The following MDGA2 variants were observed in gnomAD, a reference collection of about 807,000 sequenced individuals.
MDGA2 encodes the protein MAM domain containing glycosylphosphatidylinositol anchor 2, also known as MAM domain-containing glycosylphosphatidylinositol anchor protein 2.
In MDGA2, 40 loss-of-function variants were observed where a neutral mutation model predicts 117.8. That is an observed-to-expected ratio of 0.34 (90% confidence interval 0.26 to 0.44). The LOEUF is 0.44. MDGA2 is among the 20% of genes least tolerant of loss of function. The pLI is 1.00. For synonymous variants in MDGA2, 452 were observed against 439.0 expected, an observed-to-expected ratio of 1.03 and a Z score of -0.37; for missense variants, 1,123 against 1,250.6, an observed-to-expected ratio of 0.90 and a Z score of 1.54.
intron 1 of MDGA2, chr14:47,342,986 T>G: frequency 9.9e-7 from 1 of 1,011,266 alleles, no homozygotes; most frequent in South Asian, 1.3e-5. Context: ...CAGCTTTGCC[T>G]GGCAGAATGC....
At position 47,035,468 on chromosome 14, in the gene MDGA2, A is replaced by G. The variant is rs190521342; in HGVS notation, c.1526-164T>C. 3.2e-3 allele frequency among the ~76,000 whole-genome samples: 492 copies of G among 152,360 alleles called. 6 individuals are homozygous for G. The highest frequency in any genetic ancestry group is 0.011 in the African/African-American group (464 of 41,586). On this transcript the variant is annotated intron_variant, in intron 7 of 16. Transcript: ENST00000399232. The stretch of plus-strand genomic sequence containing the variant: ...ATGGAATATACTCTCACTGAAAATC[A>G]TTCTTAATTGTTTTCACTGTATATT...
At chr14:47,573,800 C>A (rs544310545) in intron 1 of MDGA2, among the ~76,000 whole-genome samples, 32 of 152,108 alleles carry the variant, frequency 2.1e-4, no homozygotes, top group Non-Finnish European at 4.1e-4. Context: ...GAGTGTTTTA[C>A]AACTCATGCA....
At position 47,480,043 on chromosome 14, in the gene MDGA2, G is replaced by A. The variant is rs540612460; in HGVS notation, c.281-178493C>T. ...CTTTCAAATTTCATATGCTAAACTG[G>A]GCACAAATATCATAAATAATGTGGT... On this transcript the variant is annotated intron_variant, in intron 1 of 16. Coordinates refer to ENST00000399232, the MANE Select transcript of MDGA2 (RefSeq NM_001113498.3). 2.3e-4 allele frequency among the ~76,000 whole-genome samples: 34 copies of A among 150,564 alleles called. No homozygotes were observed. The South Asian group carries it at 6.5e-3, about 29-fold the overall frequency.
intron 8 of MDGA2, among the ~76,000 whole-genome samples, chr14:46,982,300 T>C (rs1279268885): frequency 6.6e-6 from 1 of 152,088 alleles, no homozygotes; most frequent in African/African-American, 2.4e-5. Flanking sequence ...TATACTATGA[T>C]TAAAATGGTG....
At chr14:47,187,922 TG>T (rs1321180594) in intron 3 of MDGA2, among the ~76,000 whole-genome samples, 2 of 151,874 alleles carry the variant, frequency 1.3e-5, no homozygotes, top group Admixed American at 1.3e-4. Flanking sequence ...GTAGGTTGTG[TG>T]TGTGTGTGTG....
intron 3 of MDGA2, among the ~76,000 whole-genome samples, chr14:47,187,366 A>T (rs1305526872): frequency 2.0e-5 from 3 of 152,054 alleles, no homozygotes; most frequent in Non-Finnish European, 4.4e-5. Flanking sequence ...CCATATAAAC[A>T]ATTGGCAAAC....
chr14:47,567,228 A>G (rs1895936912), intron 1 of MDGA2, among the ~76,000 whole-genome samples: 1 of 152,138 alleles, frequency 6.6e-6, no homozygotes, highest in Admixed American at 6.5e-5. Context: ...AAAATATTTT[A>G]GAAGATATCC....
intron 3 of MDGA2, among the ~76,000 whole-genome samples, chr14:47,160,495 G>A (rs1392877176): frequency 6.6e-6 from 1 of 152,050 alleles, no homozygotes; most frequent in African/African-American, 2.4e-5. Context: ...GCGAAACCCT[G>A]CCTCTACAAA....
chr14:47,267,148 A>T (rs1887992577), intron 2 of MDGA2, among the ~76,000 whole-genome samples: 1 of 152,132 alleles, frequency 6.6e-6, no homozygotes, highest in Non-Finnish European at 1.5e-5. Flanking sequence ...CTATAGATAC[A>T]AAGGTGGAAA....
intron 1 of MDGA2, among the ~76,000 whole-genome samples, chr14:47,444,758 G>A (rs1055857715): frequency 2.6e-5 from 4 of 152,076 alleles, no homozygotes; most frequent in African/African-American, 9.7e-5. Flanking sequence ...AGATGTAATG[G>A]TCACTAAGCC....
At chr14:47,488,855 G>A (rs1894111723) in intron 1 of MDGA2, among the ~76,000 whole-genome samples, 1 of 151,906 alleles carries the variant, frequency 6.6e-6, no homozygotes. Context: ...GTCATAACCA[G>A]GAGAAACAGA....
At chr14:47,356,185 C>T (rs1386495491) in intron 1 of MDGA2, among the ~76,000 whole-genome samples, 1 of 152,220 alleles carries the variant, frequency 6.6e-6, no homozygotes, top group East Asian at 1.9e-4. Flanking sequence ...CCAGCACACA[C>T]TTGTGAACCT....
intron 12 of MDGA2, among the ~76,000 whole-genome samples, chr14:46,876,610 C>G (rs1304371194): frequency 6.6e-6 from 1 of 151,340 alleles, no homozygotes; most frequent in Non-Finnish European, 1.5e-5. Context: ...TTAAACATAT[C>G]TTAAATATTC....
intron 1 of MDGA2, among the ~76,000 whole-genome samples, chr14:47,393,184 G>A (rs1383086694): frequency 6.6e-6 from 1 of 151,432 alleles, no homozygotes; most frequent in Non-Finnish European, 1.5e-5. Flanking sequence ...GAGATTGACA[G>A]GCTTGAGAAA....
chr14:47,397,425 C>T (rs987689068), intron 1 of MDGA2, among the ~76,000 whole-genome samples: 7 of 151,778 alleles, frequency 4.6e-5, no homozygotes, highest in African/African-American at 1.5e-4. Context: ...ATATGTATAC[C>T]TATGTAACAA....
At chr14:47,246,581 T>C (rs1366300551) in intron 2 of MDGA2, among the ~76,000 whole-genome samples, 1 of 151,638 alleles carries the variant, frequency 6.6e-6, no homozygotes. Context: ...CAGATAAGTG[T>C]GGAAAGAGCC....
chr14:47,354,061 T>G lies in MDGA2; in HGVS notation c.281-52511A>C, dbSNP rs148775243. The stretch of plus-strand genomic sequence containing the variant: ...GGAATAAAGGACAAAAACTATATGA[T>G]CATCTCAATAGATATAGAAAAAGCA... On this transcript the variant is annotated intron_variant, in intron 1 of 16. Transcript: ENST00000399232. Among the ~76,000 whole-genome samples, 3 of 152,234 alleles carry G rather than the reference T, an allele frequency of 2.0e-5. No homozygotes were observed. The East Asian group carries it at 5.8e-4, about 29-fold the overall frequency.
chr14:47,087,444 G>C (rs538261034), intron 6 of MDGA2, among the ~76,000 whole-genome samples: 52 of 118,082 alleles, frequency 4.4e-4, no homozygotes, highest in Non-Finnish European at 7.7e-4. Flanking sequence ...TTAAACACAA[G>C]AGGCAGACTC....
intron 1 of MDGA2, among the ~76,000 whole-genome samples, chr14:47,355,148 G>A (rs972410537): frequency 5.9e-5 from 9 of 152,082 alleles, no homozygotes; most frequent in African/African-American, 1.4e-4. Flanking sequence ...GCTTACCCTC[G>A]CACATCTGCT....
Sources: allele counts gnomAD v4.1 joint callset (sites outside exome capture counted in the v4.1 genomes callset), GRCh38; gene constraint gnomAD v4.1.1; transcripts MANE v1.5; gene names NCBI Gene and HGNC (gene_info 2026-07-23, HGNC 2026-07-21).